The following DENND2B variants were observed in gnomAD, a reference collection of about 807,000 sequenced individuals.
DENND2B encodes DENN domain containing 2B, also known as DENN domain-containing protein 2B.
A neutral mutation model predicts 116.0 loss-of-function variants in DENND2B; 32 were observed. That is an observed-to-expected ratio of 0.28 (90% CI 0.21 to 0.37). The LOEUF (loss-of-function observed/expected upper bound fraction) is 0.37. Among genes scored for constraint, DENND2B ranks in the 10% least tolerant of loss-of-function variants. The probability of loss-of-function intolerance (pLI) is 1.00; values close to 1 mark genes in which losing one functional copy is unlikely to be tolerated. For synonymous variants in DENND2B, 588 were observed against 583.9 expected, an observed-to-expected ratio of 1.01 and a Z score of -0.10; for missense variants, 1,276 against 1,477.7, an observed-to-expected ratio of 0.86 and a Z score of 2.24.
At chr11:8,773,459 A>G (rs1316178771) in intron 1 of DENND2B, among the ~76,000 whole-genome samples, 1 of 152,190 alleles carries the variant, frequency 6.6e-6, no homozygotes, top group Admixed American at 6.5e-5. Flanking sequence ...TCATAGCCCC[A>G]TCAGAGACAG....
intron 2 of DENND2B, 62 bp from the exon 3 acceptor site, chr11:8,731,271 G>T: frequency 7.2e-7 from 1 of 1,391,378 alleles, no homozygotes; most frequent in Non-Finnish European, 9.5e-7. Flanking sequence ...TGACCAACCA[G>T]TGGCATCCTG....
At position 8,730,170 on chromosome 11, in the gene DENND2B, G is replaced by C; in HGVS notation, c.1120C>G (p.Leu374Val). Reference sequence around the variant, plus strand: ...GGATCGAGGGAACTCTTCGATGGCAGCCGCTGGGAGCTAGGGCTATTTCCA... The same window carrying C: ...GGATCGAGGGAACTCTTCGATGGCACCCGCTGGGAGCTAGGGCTATTTCCA... ...TPGNSPSSQRLPSKSSLDPAV... is the reference protein window; with the variant it reads ...TPGNSPSSQRVPSKSSLDPAV... Residue 374 changes from leucine (L) to valine (V), a missense_variant, in exon 3 of 20, where the codon CTG becomes GTG. Leu to Val is a conservative substitution (Grantham distance 32). Around this residue, in one of 2 missense-constraint regions of DENND2B, gnomAD observed 856 missense variants for 846.6 expected, o/e 1.01. Transcript: ENST00000313726. This position sits in a 1 kb window ranked among gnomAD's most constrained non-coding sequence, Gnocchi z 4.1. 1.2e-6 allele frequency: 2 copies of C among 1,614,140 alleles called. No homozygotes were observed. Among genetic ancestry groups the C allele is most frequent in the Non-Finnish European group, 1.7e-6 (2 of 1,180,000 alleles).
rs895570860 is a variant in DENND2B, at chr11:8,766,550, T to C, written c.-25-15825A>G. 12 of 1,165,328 alleles carry C rather than the reference T, an allele frequency of 1.0e-5. No homozygotes were observed. The African/African-American group carries it at 1.6e-4, about 15-fold the overall frequency. 72.2% of individuals were successfully genotyped at this position (1,165,328 alleles called of 1,614,324 possible). A position where few individuals can be genotyped will look rare whatever the true frequency, so the allele number is the denominator to read the frequency against. On this transcript the variant is annotated intron_variant, in intron 1 of 19. Coordinates refer to ENST00000313726, the MANE Select transcript of DENND2B (RefSeq NM_213618.2). ...ATTAATCCAAAGAGACAGGGAGCAA[T>C]GGGAACCAAGGAGAGGGCTTCCACT...
chr11:8,839,602 G>A (rs2062556520), intron 3 of DENND2B, among the ~76,000 whole-genome samples: 1 of 152,144 alleles, frequency 6.6e-6, no homozygotes, highest in African/African-American at 2.4e-5. Flanking sequence ...AGCAAACTGG[G>A]CCACCAGTGG....
chr11:8,760,097 G>T (rs539899656), intron 1 of DENND2B, among the ~76,000 whole-genome samples: 155 of 152,248 alleles, frequency 1.0e-3, no homozygotes, highest in African/African-American at 3.6e-3. Flanking sequence ...ATAAGCAAAA[G>T]GCACAGCCCC....
At chr11:8,862,052 G>A (rs2063411614) in intron 2 of DENND2B, among the ~76,000 whole-genome samples, 2 of 151,646 alleles carry the variant, frequency 1.3e-5, no homozygotes, top group Admixed American at 1.3e-4. Flanking sequence ...AGGGAGGGAG[G>A]GGAGATGAAG....
chr11:8,888,558 GA>G (rs2063988119), intron 1 of DENND2B, among the ~76,000 whole-genome samples: 1 of 152,092 alleles, frequency 6.6e-6, no homozygotes, highest in Non-Finnish European at 1.5e-5. Flanking sequence ...GGCAGCAAAA[GA>G]AAAAATTGAT....
chr11:8,717,684 AGGCCCCCACTGT>A (rs2045177624), intron 5 of DENND2B, 45 bp downstream of exon 5: 2 of 1,475,344 alleles, frequency 1.4e-6, no homozygotes, highest in Non-Finnish European at 1.8e-6. Context: ...TTGGAAGAGC[AGGCCCCCACTGT>A]GGCCCTCACG....
At chr11:8,744,554 T>C (rs991594851) in intron 2 of DENND2B, among the ~76,000 whole-genome samples, 1 of 152,158 alleles carries the variant, frequency 6.6e-6, no homozygotes, top group Non-Finnish European at 1.5e-5. Flanking sequence ...ATGGAGAAAC[T>C]ACTCACCTGC....
At chr11:8,782,569 T>C (rs2058476455) in intron 1 of DENND2B, among the ~76,000 whole-genome samples, 1 of 152,170 alleles carries the variant, frequency 6.6e-6, no homozygotes, top group Non-Finnish European at 1.5e-5. Flanking sequence ...CCTTTCACTT[T>C]TCCATATACT....
intron 1 of DENND2B, among the ~76,000 whole-genome samples, chr11:8,777,249 CCACCTTGGAT>C (rs376233296): frequency 1.1e-3 from 175 of 152,212 alleles, no homozygotes; most frequent in African/African-American, 3.9e-3. Context: ...CCCAGGCACC[CCACCTTGGAT>C]AGCCAAGAGG....
chr11:8,774,182 G>A (rs752036849), intron 1 of DENND2B: 55 of 985,334 alleles, frequency 5.6e-5, no homozygotes, highest in East Asian at 1.1e-4. Flanking sequence ...CAGCCTTCAC[G>A]TTGGGTTCTT....
intron 1 of DENND2B, among the ~76,000 whole-genome samples, chr11:8,801,544 G>C (rs533454762): frequency 6.6e-6 from 1 of 152,140 alleles, no homozygotes; most frequent in South Asian, 2.1e-4. Context: ...GGGCATGGCA[G>C]CATGCACCTA....
chr11:8,790,913 T>C (rs2059325862), intron 1 of DENND2B, among the ~76,000 whole-genome samples: 1 of 152,212 alleles, frequency 6.6e-6, no homozygotes, highest in Non-Finnish European at 1.5e-5. Flanking sequence ...CAACCCCAGG[T>C]TGATCCAGCA....
At chr11:8,718,234 T>C in intron 4 of DENND2B, 3 of 967,102 alleles carry the variant, frequency 3.1e-6, no homozygotes, top group Non-Finnish European at 4.8e-6. Context: ...AACAAGAGTC[T>C]TTCCTTGGCT....
At chr11:8,770,498 ATGT>A (rs2134175834) in intron 1 of DENND2B, among the ~76,000 whole-genome samples, 1 of 152,344 alleles carries the variant, frequency 6.6e-6, no homozygotes, top group African/African-American at 2.4e-5. Context: ...AGTTAGGACT[ATGT>A]TATCATTATT....
At chr11:8,883,073 C>T (rs2063919995) in intron 1 of DENND2B, among the ~76,000 whole-genome samples, 1 of 152,180 alleles carries the variant, frequency 6.6e-6, no homozygotes, top group South Asian at 2.1e-4. Flanking sequence ...GTAACTTGCA[C>T]AGAGTTACTT....
At chr11:8,903,629 T>C (rs1378941385) in intron 1 of DENND2B, among the ~76,000 whole-genome samples, 1 of 152,010 alleles carries the variant, frequency 6.6e-6, no homozygotes, top group Non-Finnish European at 1.5e-5. Flanking sequence ...ACACCAAGTA[T>C]TGAAACTGAC....
Position 8,693,891 on chromosome 11 carries a change from T to C in DENND2B, c.*205A>G. The C allele has an allele frequency of 1.9e-6, 1 of 535,984 alleles. No individual in the cohort carries two copies. The highest frequency in any genetic ancestry group is 3.3e-6 in the Non-Finnish European group (1 of 304,762). 33.2% of individuals were successfully genotyped at this position (535,984 alleles called of 1,614,324 possible). ...CAAATATTTGCCATATTCTCTTTGC[T>C]TGTTACAAAAAACAGTTAAGAAAGC... On this transcript the variant is annotated 3_prime_UTR_variant, in exon 20 of 20. Transcript: ENST00000313726.
Sources: gnomAD v4.1 joint callset for allele counts (sites outside exome capture counted in the v4.1 genomes callset) on GRCh38, gnomAD v4.1.1 for gene constraint, gnomAD v4.1.1 regional missense constraint, Gnocchi (gnomAD v3.1) non-coding constraint, MANE v1.5 for transcripts, NCBI Gene and HGNC (gene_info 2026-07-23, HGNC 2026-07-21) for gene names.